The following LCP1 variants were observed in gnomAD, a reference collection of about 807,000 sequenced individuals.
LCP1 encodes the protein plastin-2.
In LCP1, 23 loss-of-function variants were observed where a neutral mutation model predicts 72.0. The observed-to-expected ratio is 0.32, with a 90% confidence interval of 0.23 to 0.45. The LOEUF is 0.45. Among genes scored for constraint, LCP1 ranks in the 20% least tolerant of loss-of-function variants. The pLI is 1.00. For synonymous variants in LCP1, 245 were observed against 275.4 expected, an observed-to-expected ratio of 0.89 and a Z score of 1.09; for missense variants, 571 against 748.3, an observed-to-expected ratio of 0.76 and a Z score of 2.76.
intron 1 of LCP1, among the ~76,000 whole-genome samples, chr13:46,175,010 A>C (rs934173234): frequency 6.6e-6 from 1 of 152,212 alleles, no homozygotes. Context: ...GAAACTGCCA[A>C]CATAAAATGA....
chr13:46,153,223 T>G (rs1341731659), intron 6 of LCP1: 11 of 242,906 alleles, frequency 4.5e-5, no homozygotes, highest in Non-Finnish European at 8.0e-5. Context: ...GAGGCCTATA[T>G]TTTTCCATCT....
At chr13:46,157,284 A>G (rs1372858744) in intron 4 of LCP1, among the ~76,000 whole-genome samples, 1 of 151,992 alleles carries the variant, frequency 6.6e-6, no homozygotes, top group Non-Finnish European at 1.5e-5. Flanking sequence ...ATAAATACAA[A>G]TGTGGTATAA....
At chr13:46,137,146 G>A (rs1292230948) in intron 13 of LCP1, among the ~76,000 whole-genome samples, 7 of 151,418 alleles carry the variant, frequency 4.6e-5, no homozygotes, top group African/African-American at 1.7e-4. Flanking sequence ...CAGTCTTTCT[G>A]TCACCTCAAC....
Position 46,143,294 on chromosome 13 carries a change from T to C in LCP1, c.1364A>G (p.Lys455Arg). 1 of 1,608,640 alleles carries C rather than the reference T, an allele frequency of 6.2e-7. No individual in the cohort carries two copies. The highest frequency in any genetic ancestry group is 1.3e-5 in the African/African-American group (1 of 74,920). ...PPYPKLGGNM[K>R]KLENCNYAVE... ...AACAGAACCATCATTGTTTACCTTC[T>C]TCATATTGCCTCCCAGTTTGGGGTA... The change falls in exon 12 of 16, where the codon AAG becomes AGG. Residue 455 changes from lysine (K) to arginine (R), a missense_variant. Lys to Arg is a conservative substitution (Grantham distance 26, BLOSUM62 2). Coordinates refer to ENST00000323076, the MANE Select transcript of LCP1 (RefSeq NM_002298.5).
rs374778201 is a variant in LCP1 at position 46,158,819 on chromosome 13, T to C, written c.228+7A>G. The C allele has an allele frequency of 1.5e-5, 24 of 1,614,030 alleles. No individual in the cohort carries two copies. In the African/African-American group the frequency reaches 1.9e-4, roughly 13 times the overall value. ...ATGTGTCTCCTTGTATTCTGCATGGTACTCACCTTGATAAACTCATCAAAG... is the reference window on the plus strand; with the variant it reads ...ATGTGTCTCCTTGTATTCTGCATGGCACTCACCTTGATAAACTCATCAAAG... On this transcript the variant is annotated splice_region_variant and intron_variant, in intron 3 of 15. Transcript: ENST00000323076.
chr13:46,176,376 G>A (rs1047713559), intron 1 of LCP1, among the ~76,000 whole-genome samples: 1 of 152,130 alleles, frequency 6.6e-6, no homozygotes, highest in African/African-American at 2.4e-5. Context: ...TTTCAGGATG[G>A]AAGCTATATT....
rs2045674733 is a variant in LCP1 at position 46,137,989 on chromosome 13, TCAC to T, written c.1503-3742_1503-3740del. On this transcript the variant is annotated intron_variant, in intron 13 of 15. Coordinates refer to ENST00000323076, the MANE Select transcript of LCP1 (RefSeq NM_002298.5). ...TGTTTTTCAAGGACCCATCCTGACTTCACCATCCACAGCCTGTTTGACCTGGGG... is the reference window on the plus strand; with the variant it reads ...TGTTTTTCAAGGACCCATCCTGACTTCATCCACAGCCTGTTTGACCTGGGG... 2.0e-5 allele frequency among the ~76,000 whole-genome samples: 3 copies of T among 152,344 alleles called. No individual in the cohort carries two copies. The South Asian group carries it at 6.2e-4, about 32-fold the overall frequency.
At chr13:46,163,632 T>TAA (rs1566444167) in intron 1 of LCP1, among the ~76,000 whole-genome samples, 2 of 111,308 alleles carry the variant, frequency 1.8e-5, no homozygotes, top group Admixed American at 8.8e-5. Flanking sequence ...GAATGATCAA[T>TAA]TAAAAAAAAA....
intron 13 of LCP1, among the ~76,000 whole-genome samples, chr13:46,136,324 C>T (rs932364257): frequency 9.2e-5 from 14 of 152,172 alleles, no homozygotes; most frequent in Admixed American, 6.5e-4. Context: ...GGTATACTTG[C>T]TTCAAACCTG....
At chr13:46,143,093 G>C (rs932606816) in intron 12 of LCP1, among the ~76,000 whole-genome samples, 197 bp downstream of exon 12, 13 of 152,152 alleles carry the variant, frequency 8.5e-5, no homozygotes, top group Admixed American at 5.2e-4. Flanking sequence ...ATCCAACATG[G>C]AATTATAAAT....
chr13:46,156,209 T>C (rs575803082), intron 5 of LCP1, among the ~76,000 whole-genome samples: 62 of 152,322 alleles, frequency 4.1e-4, no homozygotes, highest in African/African-American at 1.3e-3. Flanking sequence ...TTTATCTCTA[T>C]AATGTTTATC....
At chr13:46,148,129 G>C (rs1012150314) in intron 9 of LCP1, among the ~76,000 whole-genome samples, 6 of 152,216 alleles carry the variant, frequency 3.9e-5, no homozygotes, top group African/African-American at 1.4e-4. Context: ...TAGCATGCTG[G>C]ATGGTGTTTA....
Position 46,172,420 on chromosome 13 carries a change from G to C in LCP1, c.-25+9691C>G, listed in dbSNP as rs141592051. Among the ~76,000 whole-genome samples the C allele has an allele frequency of 5.3e-4, 81 of 152,196 alleles. 1 individual carries two copies. The East Asian group carries it at 0.011, about 21-fold the overall frequency. ...AATCACTTGAACCCGGGAGGCAGAGGTTGCAGTGAGCTGAGATCACGCCAT... is the reference window on the plus strand; with the variant it reads ...AATCACTTGAACCCGGGAGGCAGAGCTTGCAGTGAGCTGAGATCACGCCAT... On this transcript the variant is annotated intron_variant, in intron 1 of 15. Transcript: ENST00000323076.
chr13:46,128,009 T>G (rs1266292798), intron 15 of LCP1, among the ~76,000 whole-genome samples: 2 of 151,022 alleles, frequency 1.3e-5, no homozygotes, highest in African/African-American at 4.9e-5. Context: ...TTAAGTTTTT[T>G]TTTTTTTTTT....
intron 9 of LCP1, among the ~76,000 whole-genome samples, chr13:46,147,753 C>A (rs1005723912): frequency 1.3e-5 from 2 of 152,092 alleles, no homozygotes; most frequent in Non-Finnish European, 2.9e-5. Flanking sequence ...TGACTCTTAA[C>A]CCTAAAATTT....
At chr13:46,178,037 C>T (rs768985386) in intron 1 of LCP1, among the ~76,000 whole-genome samples, 1 of 150,786 alleles carries the variant, frequency 6.6e-6, no homozygotes, top group Non-Finnish European at 1.5e-5. Context: ...CTGTTTATTC[C>T]AGGAAGTTGC....
At chr13:46,153,008 T>A in intron 6 of LCP1, 63 bp from the exon 7 acceptor site, 2 of 1,463,760 alleles carry the variant, frequency 1.4e-6, no homozygotes, top group South Asian at 1.3e-5. Flanking sequence ...ATAATACCGA[T>A]GGCAACAGTA....
chr13:46,138,409 A>G (rs2045677745), intron 13 of LCP1, among the ~76,000 whole-genome samples: 1 of 152,090 alleles, frequency 6.6e-6, no homozygotes, highest in Admixed American at 6.5e-5. Flanking sequence ...CTCCTTCTAC[A>G]GTAATATATT....
chr13:46,142,756 G>A (rs755929525), intron 12 of LCP1: 2 of 478,842 alleles, frequency 4.2e-6, no homozygotes, highest in South Asian at 3.1e-5. Flanking sequence ...GTGAATTCAT[G>A]GAGATTGACA....
Sources: allele counts gnomAD v4.1 joint callset (sites outside exome capture counted in the v4.1 genomes callset), GRCh38; gene constraint gnomAD v4.1.1; transcripts MANE v1.5; gene names NCBI Gene and HGNC (gene_info 2026-07-23, HGNC 2026-07-21).